The following MEIOSIN variants were observed in gnomAD, a reference collection of about 807,000 sequenced individuals.
The protein encoded by MEIOSIN is meiosis initiator protein.
Under a neutral mutation model 23.4 loss-of-function variants are expected in MEIOSIN, and 18 were observed. That is an observed-to-expected ratio of 0.77 (90% CI 0.53 to 1.14). MEIOSIN has a LOEUF of 1.14. MEIOSIN is among the 50% of genes most tolerant of loss of function. MEIOSIN has a pLI of 0.00. For synonymous variants in MEIOSIN, 187 were observed against 100.6 expected (o/e 1.86, Z -5.14); for missense variants, 428 against 242.9 (o/e 1.76, Z -5.07).
In MEIOSIN at chr19:45,758,891, C is replaced by T. The variant is rs1158951408; in HGVS notation, c.1026C>T (p.Phe342=). ...TTCCCTTTCCAGGGAGCCCACTGTT[C>T]CTGGGGCCTCCCCAGATTGATGTCT... The part of the protein sequence containing the change: ...PENSPQGSPL[F]LGPPQIDVWS... The change falls in exon 10 of 15, where the codon TTC becomes TTT. Residue 342 remains phenylalanine (F), a synonymous_variant. Transcript: ENST00000457052. 1.4e-6 allele frequency: 1 copy of T among 702,984 alleles called. No homozygotes were observed. The highest frequency in any genetic ancestry group is 2.6e-6 in the Non-Finnish European group (1 of 385,034). 43.5% of individuals were successfully genotyped at this position (702,984 alleles called of 1,614,324 possible). A position where few individuals can be genotyped will look rare whatever the true frequency, so the allele number is the denominator to read the frequency against.
chr19:45,749,095 G>T (rs1968644416), intron 4 of MEIOSIN, among the ~76,000 whole-genome samples: 1 of 151,704 alleles, frequency 6.6e-6, no homozygotes, highest in Non-Finnish European at 1.5e-5. Context: ...CTGAGGCCAG[G>T]TGTGGTGGCT....
intron 11 of MEIOSIN, among the ~76,000 whole-genome samples, chr19:45,759,995 T>A (rs1352691392): frequency 1.3e-5 from 2 of 151,398 alleles, no homozygotes; most frequent in Non-Finnish European, 2.9e-5. Context: ...GAGATGGGGG[T>A]TCACCATGTT....
At chr19:45,746,980 A>G (rs1052579936) in intron 4 of MEIOSIN, among the ~76,000 whole-genome samples, 1 of 152,144 alleles carries the variant, frequency 6.6e-6, no homozygotes, top group African/African-American at 2.4e-5. Context: ...GGTGCTAAAA[A>G]TATTTGAGGA....
Position 45,758,283 on chromosome 19 carries a change from C to T in MEIOSIN, c.1013-595C>T, listed in dbSNP as rs147897051. ...CGCTGGGATTATAGGCGTGAGCCCC[C>T]GCATCTGACCTCAGAATCTTTCTTG... On this transcript the variant is annotated intron_variant, in intron 9 of 14. Coordinates refer to ENST00000457052, the MANE Select transcript of MEIOSIN (RefSeq NM_001310124.2). 3.9e-5 allele frequency among the ~76,000 whole-genome samples: 6 copies of T among 152,168 alleles called. No homozygotes were observed. The East Asian group carries it at 5.8e-4, about 15-fold the overall frequency.
At chr19:45,761,193 C>T (rs149342585) in intron 11 of MEIOSIN, among the ~76,000 whole-genome samples, 4,852 of 150,786 alleles carry the variant, frequency 0.032, 276 homozygotes, top group African/African-American at 0.11. Context: ...GGTACGATCT[C>T]GGCTCACTGC....
At chr19:45,743,389 A>T (rs1343579278) in intron 3 of MEIOSIN, among the ~76,000 whole-genome samples, 1 of 151,974 alleles carries the variant, frequency 6.6e-6, no homozygotes, top group Non-Finnish European at 1.5e-5. Flanking sequence ...ATATATATAT[A>T]TTTATTTATT....
Position 45,745,301 on chromosome 19 carries a change from G to T in MEIOSIN, c.286G>T (p.Gly96Trp). ...GCTGCTGCCCATAGCCCTGAAGACG[G>T]GGACCAAGAAGCTCACAAAGGTACA... Reference protein sequence around the residue: ...ALLLPIALKTGTKKLTKKEIL... With the variant: ...ALLLPIALKTWTKKLTKKEIL... Residue 96 changes from glycine to tryptophan, a missense_variant, in exon 4 of 15, where the codon GGG becomes TGG. By Grantham distance (184) the Gly-to-Trp change is radical. Transcript: ENST00000457052. 1 of 702,914 alleles carries T rather than the reference G, an allele frequency of 1.4e-6. No individual in the cohort carries two copies. The highest frequency in any genetic ancestry group is 2.6e-6 in the Non-Finnish European group (1 of 385,002). 43.5% of individuals were successfully genotyped at this position (702,914 alleles called of 1,614,324 possible). A position where few individuals can be genotyped will look rare whatever the true frequency, so the allele number is the denominator to read the frequency against.
rs1418782039 is a variant in MEIOSIN at position 45,754,741 on chromosome 19, A to G, written c.802+17A>G. Reference sequence around the variant, plus strand: ...ACATCTCAAGTGGGTCTCTTTCCTCACTCTGAACTTAGTCTTTCAGTAAGA... The same window carrying G: ...ACATCTCAAGTGGGTCTCTTTCCTCGCTCTGAACTTAGTCTTTCAGTAAGA... On this transcript the variant is annotated intron_variant, in intron 7 of 14. Coordinates refer to ENST00000457052, the MANE Select transcript of MEIOSIN (RefSeq NM_001310124.2). The G allele has an allele frequency of 4.3e-6, 3 of 701,558 alleles. No individual in the cohort carries two copies. Among genetic ancestry groups the G allele is most frequent in the Non-Finnish European group, 7.8e-6 (3 of 384,406 alleles). 43.5% of individuals were successfully genotyped at this position (701,558 alleles called of 1,614,324 possible).
At chr19:45,753,572 C>A in intron 5 of MEIOSIN, 79 bp from the exon 6 acceptor site, 2 of 636,896 alleles carry the variant, frequency 3.1e-6, no homozygotes, top group Non-Finnish European at 2.8e-6. Context: ...GACTGAGGAG[C>A]ATTGTCTGGA....
chr19:45,744,337 A>G (rs973176769), intron 3 of MEIOSIN, among the ~76,000 whole-genome samples: 2 of 151,888 alleles, frequency 1.3e-5, no homozygotes, highest in Admixed American at 6.6e-5. Flanking sequence ...ACAAGTTTCC[A>G]TAACACCAAG....
At position 45,756,085 on chromosome 19, in the gene MEIOSIN, G is replaced by A. The variant is rs1968822969; in HGVS notation, c.911+7G>A. 1.4e-6 allele frequency: 1 copy of A among 702,558 alleles called. No individual in the cohort carries two copies. 43.5% of individuals were successfully genotyped at this position (702,558 alleles called of 1,614,324 possible). On this transcript the variant is annotated splice_region_variant and intron_variant, in intron 8 of 14. Coordinates refer to ENST00000457052, the MANE Select transcript of MEIOSIN (RefSeq NM_001310124.2). The stretch of plus-strand genomic sequence containing the variant: ...AGACCCAGCCCCATCCCAGGTAAGG[G>A]CGTCCCCAGGGCACTGAGTGAGTGG...
At chr19:45,736,850 C>A (rs368568581) in intron 2 of MEIOSIN, among the ~76,000 whole-genome samples, 1 of 150,472 alleles carries the variant, frequency 6.6e-6, no homozygotes, top group South Asian at 2.1e-4. Flanking sequence ...GGATTACAGG[C>A]GTGAGCCACT....
At chr19:45,756,188 G>A in intron 8 of MEIOSIN, 110 bp downstream of exon 8, 1 of 631,292 alleles carries the variant, frequency 1.6e-6, no homozygotes, top group Non-Finnish European at 2.9e-6. Context: ...GGTGCCCCTT[G>A]AGCACCAATG....
chr19:45,758,670 T>C (rs1466831894), intron 9 of MEIOSIN, among the ~76,000 whole-genome samples: 1 of 152,194 alleles, frequency 6.6e-6, no homozygotes, highest in Non-Finnish European at 1.5e-5. Context: ...TCTCAAATGA[T>C]CCGCCCACCT....
chr19:45,746,505 C>T (rs969472532), intron 4 of MEIOSIN, among the ~76,000 whole-genome samples: 1 of 152,150 alleles, frequency 6.6e-6, no homozygotes, highest in African/African-American at 2.4e-5. Flanking sequence ...TATGTGATTA[C>T]ACTGGGCCCA....
chr19:45,750,872 C>G (rs570362937), intron 5 of MEIOSIN, 86 bp downstream of exon 5: 9 of 479,236 alleles, frequency 1.9e-5, no homozygotes, highest in South Asian at 1.7e-4. Context: ...ACCCTTCTGT[C>G]AAGGCCTGGT....
chr19:45,750,360 C>CTTTTTCTTTT (rs1555783452), intron 4 of MEIOSIN, among the ~76,000 whole-genome samples: 1 of 98,526 alleles, frequency 1.0e-5, no homozygotes, highest in African/African-American at 3.8e-5. Flanking sequence ...TTTTCTTTTT[C>CTTTTTCTTTT]TTTTTTTTTT....
At chr19:45,758,080 T>C (rs1238664571) in intron 9 of MEIOSIN, among the ~76,000 whole-genome samples, 25 of 151,502 alleles carry the variant, frequency 1.7e-4, no homozygotes, top group South Asian at 2.1e-4. Flanking sequence ...TCACTGCAAC[T>C]TCTGCCTCCC....
At chr19:45,760,195 C>T (rs751941465) in intron 11 of MEIOSIN, among the ~76,000 whole-genome samples, 6 of 151,520 alleles carry the variant, frequency 4.0e-5, no homozygotes, top group Non-Finnish European at 5.9e-5. Flanking sequence ...AAGCTGGGCG[C>T]GGTGGCTCAC....
Sources: gnomAD v4.1 joint callset for allele counts (sites outside exome capture counted in the v4.1 genomes callset) on GRCh38, gnomAD v4.1.1 for gene constraint, MANE v1.5 for transcripts, NCBI Gene and HGNC (gene_info 2026-07-23, HGNC 2026-07-21) for gene names.